Variants in MMP27 observed in about 807,000 individuals in gnomAD.
MMP27 encodes the protein matrix metalloproteinase-27.
MMP27 carries 51 observed loss-of-function variants against 48.1 expected under a neutral mutation model. The observed-to-expected ratio is 1.06, with a 90% confidence interval of 0.85 to 1.34. The LOEUF is 1.34. Among genes scored for constraint, MMP27 ranks in the 40% most tolerant of loss-of-function variants. The pLI is 0.00. For missense variants in MMP27, 698 were observed against 619.3 expected (o/e 1.13, Z -1.35); for synonymous variants, 229 against 208.9 (o/e 1.10, Z -0.83).
chr11:102,702,593 T>C (rs1309035758), intron 4 of MMP27, among the ~76,000 whole-genome samples, 160 bp downstream of exon 4: 1 of 152,224 alleles, frequency 6.6e-6, no homozygotes, highest in Non-Finnish European at 1.5e-5. Context: ...AGCCACTTTA[T>C]GAGGGTGTAT....
At chr11:102,693,381 C>T (rs985258516) in intron 8 of MMP27, among the ~76,000 whole-genome samples, 2 of 151,908 alleles carry the variant, frequency 1.3e-5, no homozygotes, top group African/African-American at 4.8e-5. Context: ...GGATCACCAA[C>T]TTTTTATTTT....
Position 102,696,402 on chromosome 11 carries a change from A to C in MMP27, c.871T>G (p.Phe291Val). 1 of 1,613,830 alleles carries C rather than the reference A, an allele frequency of 6.2e-7. No homozygotes were observed. The highest frequency in any genetic ancestry group is 8.5e-7 in the Non-Finnish European group (1 of 1,179,806). ...TTAAAGAACATTACTTCTCTGCGGAAAGTTGTGATAGCGTCAAAAGTCAAG... is the reference window on the plus strand; with the variant it reads ...TTAAAGAACATTACTTCTCTGCGGACAGTTGTGATAGCGTCAAAAGTCAAG... Reference protein sequence around the residue: ...PDLTFDAITTFRREVMFFKGR... With the variant: ...PDLTFDAITTVRREVMFFKGR... The change falls in exon 6 of 10, where the codon TTC becomes GTC. Residue 291 changes from phenylalanine (F) to valine (V), a missense_variant. Transcript: ENST00000260229.
intron 8 of MMP27, 105 bp from the exon 9 acceptor site, chr11:102,693,146 G>A (rs1860756677): frequency 4.1e-6 from 3 of 723,104 alleles, no homozygotes; most frequent in East Asian, 2.6e-5. Flanking sequence ...GAATACATAG[G>A]CATAGTAGAG....
rs1201690142 is a variant in MMP27 at position 102,702,752 on chromosome 11, C to T, written c.619+1G>A. 1.2e-6 allele frequency: 2 copies of T among 1,604,668 alleles called. No homozygotes were observed. Among genetic ancestry groups the T allele is most frequent in the African/African-American group, 2.7e-5 (2 of 74,210 alleles). On this transcript the variant is annotated splice_donor_variant, in intron 4 of 9. Transcript: ENST00000260229. LOFTEE classifies it high-confidence loss of function. ...TTGTTCATAAAGAAAATTAGACTCA[C>T]CTGCTCCATCCTTGGTCCAGTTTTC... is the stretch of plus-strand genomic sequence containing the variant.
intron 6 of MMP27, 80 bp downstream of exon 6, chr11:102,696,291 A>G: frequency 6.7e-7 from 1 of 1,491,024 alleles, no homozygotes; most frequent in East Asian, 2.3e-5. Flanking sequence ...CACTAGCCCC[A>G]TGACTACCTC....
chr11:102,704,504 G>T (rs1861007051), intron 2 of MMP27, 33 bp downstream of exon 2: 1 of 1,472,074 alleles, frequency 6.8e-7, no homozygotes, highest in Non-Finnish European at 9.5e-7. Flanking sequence ...TGTTCCTTTG[G>T]ATTAGGCGGA....
At chr11:102,693,508 C>T (rs1591655817) in intron 8 of MMP27, among the ~76,000 whole-genome samples, 2 of 152,060 alleles carry the variant, frequency 1.3e-5, no homozygotes, top group South Asian at 2.1e-4. Context: ...ATGGGCTGGG[C>T]GTGGCGACTC....
At chr11:102,692,789 T>C in intron 9 of MMP27, 149 bp downstream of exon 9, 1 of 590,694 alleles carries the variant, frequency 1.7e-6, no homozygotes, top group Non-Finnish European at 3.0e-6. Context: ...CAGTTTGTGA[T>C]AATGTTTGTG....
chr11:102,703,172 C>T, intron 2 of MMP27, 54 bp from the exon 3 acceptor site: 1 of 1,519,452 alleles, frequency 6.6e-7, no homozygotes, highest in Non-Finnish European at 9.0e-7. Flanking sequence ...CATGAATATA[C>T]ACACATAACT....
Position 102,691,929 on chromosome 11 carries a change from T to C in MMP27, c.1379A>G (p.Asn460Ser), listed in dbSNP as rs781229967. Residue 460 changes from asparagine (N) to serine (S), a missense_variant, in exon 10 of 10, where the codon AAT (asparagine) becomes AGT (serine). Asn to Ser is a conservative substitution (Grantham distance 46). Transcript: ENST00000260229. ...TKNITRIMRT[N>S]TWFQCKEPKN... ...TGGTTCTTTGCATTGAAACCAAGTA[T>C]TAGTTCTCATGATTCGGGTAATATT... 1 of 1,613,582 alleles carries C rather than the reference T, an allele frequency of 6.2e-7. No individual in the cohort carries two copies. Among genetic ancestry groups the C allele is most frequent in the Non-Finnish European group, 8.5e-7 (1 of 1,179,772 alleles).
intron 8 of MMP27, 144 bp downstream of exon 8, chr11:102,693,762 G>C: frequency 1.6e-6 from 1 of 620,986 alleles, no homozygotes; most frequent in Middle Eastern, 4.8e-4. Context: ...TCTAGCCTGG[G>C]AGACAGAGCA....
chr11:102,701,276 T>C (rs770744037), intron 4 of MMP27, among the ~76,000 whole-genome samples: 4 of 149,224 alleles, frequency 2.7e-5, no homozygotes, highest in Non-Finnish European at 4.4e-5. Flanking sequence ...GCCTTACCGA[T>C]GTGGAACCCA....
At position 102,691,863 on chromosome 11, in the gene MMP27, G is replaced by T. The variant is rs139805314; in HGVS notation, c.1445C>A (p.Ala482Glu). 4 of 1,613,380 alleles carry T rather than the reference G, an allele frequency of 2.5e-6. No individual in the cohort carries two copies. Among genetic ancestry groups the T allele is most frequent in the Non-Finnish European group, 3.4e-6 (4 of 1,179,652 alleles). Residue 482 changes from alanine (A) to glutamate (E), a missense_variant, in exon 10 of 10, where the codon GCA becomes GAA. Physicochemically the swap from Ala to Glu is moderately radical, Grantham distance 107. Transcript: ENST00000260229. ...CAATATCTTTATGCCTCCTGAATGTGCTTTTTCCTTGTTGATATCAAAACC... is the reference window on the plus strand; with the variant it reads ...CAATATCTTTATGCCTCCTGAATGTTCTTTTTCCTTGTTGATATCAAAACC... ...SFGFDINKEK[A>E]HSGGIKILYH...
Position 102,691,596 on chromosome 11 carries a change from G to A in MMP27, c.*170C>T. On this transcript the variant is annotated 3_prime_UTR_variant, in exon 10 of 10. Transcript: ENST00000260229. Reference sequence around the variant, plus strand: ...GCTTAAAGTACAGTCAGAGATTTTTGTTTCTACATAATAACTTCCTATTAA... The same window carrying A: ...GCTTAAAGTACAGTCAGAGATTTTTATTTCTACATAATAACTTCCTATTAA... 3.7e-6 allele frequency: 2 copies of A among 541,676 alleles called. No individual in the cohort carries two copies. The highest frequency in any genetic ancestry group is 6.2e-6 in the Non-Finnish European group (2 of 321,526). The allele number at this position is 541,676 out of a possible 1,614,324, so 33.6% of individuals were successfully genotyped here. A position where few individuals can be genotyped will look rare whatever the true frequency, so the allele number is the denominator to read the frequency against.
chr11:102,703,853 C>T (rs527884246), intron 2 of MMP27, among the ~76,000 whole-genome samples: 8 of 152,160 alleles, frequency 5.3e-5, no homozygotes, highest in Non-Finnish European at 1.0e-4. Flanking sequence ...ATGAGAACCA[C>T]AAGAATTGCT....
chr11:102,701,607 C>G (rs1309830589), intron 4 of MMP27, among the ~76,000 whole-genome samples: 1 of 152,176 alleles, frequency 6.6e-6, no homozygotes, highest in African/African-American at 2.4e-5. Context: ...TTCCTTTCCT[C>G]TCTTGCTTGG....
At position 102,702,875 on chromosome 11, in the gene MMP27, C is replaced by A. The variant is rs377471187; in HGVS notation, c.497G>T (p.Gly166Val). 13 of 1,613,196 alleles carry A rather than the reference C, an allele frequency of 8.1e-6. No homozygotes were observed. Among genetic ancestry groups the A allele is most frequent in the Non-Finnish European group, 1.1e-5 (13 of 1,179,816 alleles). The change falls in exon 4 of 10, where the codon GGT becomes GTT. Residue 166 changes from glycine to valine, a missense_variant. Coordinates refer to ENST00000260229, the MANE Select transcript of MMP27 (RefSeq NM_022122.3). ...ACCATCAAAATAGCGAGGACACCGA[C>A]CATGGACTGAGATACAATTTATGCG... ...IMIAFRTRVH[G>V]RCPRYFDGPL...
rs780041867 is a variant in MMP27, at chr11:102,691,807, C to A, written c.1501G>T (p.Gly501Cys). ...YHKSLSLFIF[G>C]IVHLLKNTSI... The stretch of plus-strand genomic sequence containing the variant: ...GTGTTTTTCAGCAAATGAACAATAC[C>A]AAAAATAAACAAGCTTAAACTCTTA... The change falls in exon 10 of 10, where the codon GGT becomes TGT. Residue 501 changes from glycine to cysteine, a missense_variant. Physicochemically the swap from Gly to Cys is radical, Grantham distance 159. Transcript: ENST00000260229. 9 of 1,604,962 alleles carry A rather than the reference C, an allele frequency of 5.6e-6. No individual in the cohort carries two copies.
chr11:102,692,878 C>CT (rs1423059080), intron 9 of MMP27, 60 bp downstream of exon 9: 38 of 1,424,674 alleles, frequency 2.7e-5, no homozygotes, highest in Non-Finnish European at 3.7e-5. Context: ...TTTGTGCTGT[C>CT]TTTTTTCACA....
Sources: gnomAD v4.1 joint callset for allele counts (sites outside exome capture counted in the v4.1 genomes callset) on GRCh38, gnomAD v4.1.1 for gene constraint, MANE v1.5 for transcripts, NCBI Gene and HGNC (gene_info 2026-07-23, HGNC 2026-07-21) for gene names.